Variants in NBAS observed in about 807,000 individuals in gnomAD.
NBAS encodes NAG/BC035112 fusion.
Under a neutral mutation model 302.5 loss-of-function variants are expected in NBAS, and 219 were observed. The ratio of observed to expected loss-of-function variants is 0.72; its 90% CI spans 0.65 to 0.81. The LOEUF (loss-of-function observed/expected upper bound fraction) is 0.81. Ranked by LOEUF, NBAS falls within the 30% of genes least tolerant of loss-of-function variation. NBAS has a pLI of 0.00. For synonymous variants in NBAS, 1,118 were observed against 1,021.6 expected, an observed-to-expected ratio of 1.09 and a Z score of -1.80; for missense variants, 2,932 against 2,841.6, an observed-to-expected ratio of 1.03 and a Z score of -0.72.
At chr2:15,549,951 G>C (rs998754592) in intron 6 of NBAS, among the ~76,000 whole-genome samples, 1 of 151,986 alleles carries the variant, frequency 6.6e-6, no homozygotes, top group Non-Finnish European at 1.5e-5. Context: ...CCAGGAGTTT[G>C]AGGCTAGCCT....
the NBAS span, among the ~76,000 whole-genome samples, chr2:14,958,137 T>C: frequency 6.6e-6 from 1 of 152,242 alleles, no homozygotes; most frequent in African/African-American, 2.4e-5. Flanking sequence ...ACTATACTTT[T>C]CTCTTCTTGT....
the NBAS span, among the ~76,000 whole-genome samples, chr2:14,904,030 T>C: frequency 2.0e-5 from 3 of 152,236 alleles, no homozygotes; most frequent in Non-Finnish European, 2.9e-5. Context: ...TTCTGGACAC[T>C]CAGAGAAACG....
At chr2:14,867,551 C>G in the NBAS span, among the ~76,000 whole-genome samples, 1 of 152,172 alleles carries the variant, frequency 6.6e-6, no homozygotes, top group Non-Finnish European at 1.5e-5. Flanking sequence ...TACAATTCTA[C>G]AAGCATCGAC....
At chr2:15,241,445 C>T (rs905111863) in intron 44 of NBAS, among the ~76,000 whole-genome samples, 1 of 152,132 alleles carries the variant, frequency 6.6e-6, no homozygotes, top group Admixed American at 6.5e-5. Context: ...AGTCTTGACT[C>T]GCCTTTGTCA....
At chr2:15,441,024 A>G (rs1391323011) in intron 21 of NBAS, among the ~76,000 whole-genome samples, 1 of 152,200 alleles carries the variant, frequency 6.6e-6, no homozygotes, top group Non-Finnish European at 1.5e-5. Context: ...CCAAATCTGC[A>G]TCTGATTGGT....
chr2:15,171,756 A>G (rs1664301674), intron 51 of NBAS, among the ~76,000 whole-genome samples: 2 of 152,190 alleles, frequency 1.3e-5, no homozygotes, highest in Non-Finnish European at 2.9e-5. Flanking sequence ...TGAAGGTAAA[A>G]TGAGGTCATC....
At chr2:14,972,140 G>A in the NBAS span, among the ~76,000 whole-genome samples, 1 of 152,298 alleles carries the variant, frequency 6.6e-6, no homozygotes, top group East Asian at 1.9e-4. Flanking sequence ...ATGAGATCAT[G>A]TCCTTTGCAG....
the NBAS span, among the ~76,000 whole-genome samples, chr2:14,954,570 G>A: frequency 8.5e-5 from 13 of 152,256 alleles, no homozygotes; most frequent in Non-Finnish European, 1.6e-4. Flanking sequence ...ACCCAAGACT[G>A]GGTAACTTAG....
At chr2:15,465,349 C>T (rs1679678927) in intron 19 of NBAS, among the ~76,000 whole-genome samples, 1 of 152,130 alleles carries the variant, frequency 6.6e-6, no homozygotes, top group Non-Finnish European at 1.5e-5. Flanking sequence ...CTCAGACATC[C>T]CCAGGAAGAA....
At chr2:15,544,366 G>A (rs566219559) in intron 6 of NBAS, among the ~76,000 whole-genome samples, 46 of 152,110 alleles carry the variant, frequency 3.0e-4, no homozygotes, top group African/African-American at 1.1e-3. Flanking sequence ...GTGAAGGGAG[G>A]GAGGAAGGAA....
intron 25 of NBAS, among the ~76,000 whole-genome samples, chr2:15,405,779 C>A (rs1676378903): frequency 6.6e-6 from 1 of 151,952 alleles, no homozygotes; most frequent in East Asian, 1.9e-4. Flanking sequence ...TTTATATACA[C>A]AAACATTAAA....
Position 15,427,800 on chromosome 2 carries a change from A to G in NBAS, c.2340-6T>C, listed in dbSNP as rs751539800. On this transcript the variant is annotated splice_region_variant and splice_polypyrimidine_tract_variant and intron_variant, in intron 21 of 51. Transcript: ENST00000281513. The stretch of plus-strand genomic sequence containing the variant: ...TCAGGGAGTCACCGTTAAAACTCAA[A>G]TTTAAAAAAAAATAAGTGTTTAAAA... 2 of 1,603,910 alleles carry G rather than the reference A, an allele frequency of 1.2e-6. No individual in the cohort carries two copies. Among genetic ancestry groups the G allele is most frequent in the Admixed American group, 3.4e-5 (2 of 59,496 alleles).
At chr2:15,478,906 C>T (rs971277249) in intron 12 of NBAS, among the ~76,000 whole-genome samples, 7 of 152,128 alleles carry the variant, frequency 4.6e-5, no homozygotes, top group East Asian at 1.9e-4. Flanking sequence ...CATTACCTGA[C>T]GACCTCTTGG....
chr2:14,892,635 G>T, the NBAS span, among the ~76,000 whole-genome samples: 3 of 151,134 alleles, frequency 2.0e-5, no homozygotes, highest in African/African-American at 7.3e-5. Context: ...TTTAACAAAG[G>T]TCTTTTCAGC....
At chr2:15,482,831 G>C (rs952379817) in intron 12 of NBAS, among the ~76,000 whole-genome samples, 7 of 151,836 alleles carry the variant, frequency 4.6e-5, no homozygotes, top group Admixed American at 4.6e-4. Flanking sequence ...AAATAAATTT[G>C]TTATGCTTTT....
At chr2:15,236,645 A>G (rs1371084359) in intron 45 of NBAS, among the ~76,000 whole-genome samples, 1 of 150,644 alleles carries the variant, frequency 6.6e-6, no homozygotes, top group African/African-American at 2.4e-5. Flanking sequence ...ATAATTTTAG[A>G]TGTGTTTATT....
the NBAS span, among the ~76,000 whole-genome samples, chr2:14,896,527 C>T: frequency 6.6e-6 from 1 of 152,140 alleles, no homozygotes; most frequent in Non-Finnish European, 1.5e-5. Context: ...GGAAGCCGAT[C>T]CTAAGCGCAA....
In NBAS at chr2:15,197,961, A is replaced by C. The variant is rs373332772; in HGVS notation, c.6433-7558T>G. ...TGCAAATGCAGATATGATTCAAAAG[A>C]GGGTCTTTTTCCATGAGAAGTAGAT... On this transcript the variant is annotated intron_variant, in intron 48 of 51. Transcript: ENST00000281513. Among the ~76,000 whole-genome samples, 34 of 152,366 alleles carry C rather than the reference A, an allele frequency of 2.2e-4. No individual in the cohort carries two copies. In the East Asian group the frequency reaches 2.7e-3, roughly 12 times the overall value.
intron 48 of NBAS, among the ~76,000 whole-genome samples, chr2:15,198,737 T>C (rs78800205): frequency 0.014 from 2,061 of 152,296 alleles, 28 homozygotes; most frequent in Non-Finnish European, 0.018. Context: ...TCTTGCAAAA[T>C]AGCACAATAC....
Sources: allele counts gnomAD v4.1 joint callset (sites outside exome capture counted in the v4.1 genomes callset), GRCh38; gene constraint gnomAD v4.1.1; transcripts MANE v1.5; gene names NCBI Gene and HGNC (gene_info 2026-07-23, HGNC 2026-07-21).